FOXF2: variants seen among roughly 807,000 people sequenced by gnomAD.
FOXF2 encodes the protein forkhead box F2, also known as forkhead box protein F2.
In FOXF2, 15 loss-of-function variants were observed where a neutral mutation model predicts 29.1. The observed-to-expected ratio is 0.52, with a 90% CI of 0.35 to 0.79. FOXF2 has a LOEUF of 0.79. FOXF2 is among the 30% of genes least tolerant of loss of function. FOXF2 has a pLI of 0.01. For synonymous variants in FOXF2, 337 were observed against 316.5 expected (o/e 1.06, Z -0.69); for missense variants, 675 against 667.1 (o/e 1.01, Z -0.13).
At chr6:1,391,643 G>C (rs1758789515) in intron 1 of FOXF2, among the ~76,000 whole-genome samples, 6 of 152,154 alleles carry the variant, frequency 3.9e-5, no homozygotes, top group Admixed American at 3.9e-4. Context: ...GGGGTGGGAG[G>C]GACAGAGCTG....
rs1196219285 is a variant in FOXF2 at position 1,390,625 on chromosome 6, C to T, written c.678C>T (p.Asp226=). Residue 226 remains aspartate, a synonymous_variant, in exon 1 of 2, where the codon GAC becomes GAT. Transcript: ENST00000645481. This position sits in a 1 kb window ranked among gnomAD's most constrained non-coding sequence, Gnocchi z 8.5. ...CGTCGCTGCTGCCCCAGGGCTTCGACTTCCAGGCGCCCCCGTCGGCGCCGC... is the reference window on the plus strand; with the variant it reads ...CGTCGCTGCTGCCCCAGGGCTTCGATTTCCAGGCGCCCCCGTCGGCGCCGC... ...FGASLLPQGF[D]FQAPPSAPLG... is the part of the protein sequence containing the mutation. The T allele has an allele frequency of 1.1e-5, 18 of 1,585,556 alleles. No individual in the cohort carries two copies. The highest frequency in any genetic ancestry group is 3.4e-4 in the Middle Eastern group (2 of 5,932).
intron 1 of FOXF2, among the ~76,000 whole-genome samples, chr6:1,393,626 G>C (rs924061753): frequency 6.6e-6 from 1 of 152,120 alleles, no homozygotes; most frequent in Non-Finnish European, 1.5e-5. Flanking sequence ...GAGGCCACGA[G>C]AGCAGGGCCC....
chr6:1,390,211 C>G lies in FOXF2; in HGVS notation c.264C>G (p.Ala88=). ...GCGCGGGCGCCGGGAGCGGGGGCGC[C>G]AAGAAGGCGAGCTCGGGGCTGCGGC... ...GGGAGAGSGG[A]KKASSGLRRP... The change falls in exon 1 of 2, where the codon GCC becomes GCG. Residue 88 remains alanine, a synonymous_variant. Coordinates refer to ENST00000645481, the MANE Select transcript of FOXF2 (RefSeq NM_001452.2). This position sits in a 1 kb window ranked among gnomAD's most constrained non-coding sequence, Gnocchi z 8.5. 1 of 1,550,738 alleles carries G rather than the reference C, an allele frequency of 6.4e-7. No individual in the cohort carries two copies.
rs150644359 is a variant in FOXF2, at chr6:1,391,106, G to A, written c.1159G>A (p.Glu387Lys). The A allele has an allele frequency of 8.1e-6, 13 of 1,602,250 alleles. No homozygotes were observed. Among genetic ancestry groups the A allele is most frequent in the Non-Finnish European group, 1.0e-5 (12 of 1,179,818 alleles). The change falls in exon 1 of 2, where the codon GAG becomes AAG. Residue 387 changes from glutamate (E) to lysine (K), a missense_variant. Physicochemically the swap from Glu to Lys is moderately conservative, Grantham distance 56 (BLOSUM62 1). This residue lies in a region of FOXF2 where 451 missense variants were observed against 437.2 expected (regional missense o/e 1.03). Transcript: ENST00000645481. ...EQSYLHQNAR[E>K]DLSVGLPRYQ... Reference sequence around the variant, plus strand: ...GAGCTACTTGCACCAGAACGCTCGCGAGGACCTCTCAGGTAACGCAGCACG... The same window carrying A: ...GAGCTACTTGCACCAGAACGCTCGCAAGGACCTCTCAGGTAACGCAGCACG...
intron 1 of FOXF2, among the ~76,000 whole-genome samples, chr6:1,392,797 C>T (rs1209154420): frequency 2.6e-5 from 4 of 152,248 alleles, no homozygotes; most frequent in Admixed American, 6.5e-5. Flanking sequence ...GCAAGCCGGC[C>T]TCTGTGCCCC....
chr6:1,392,434 T>TCTCACACACACACACACACA (rs1554124328), intron 1 of FOXF2, among the ~76,000 whole-genome samples: 12 of 107,676 alleles, frequency 1.1e-4, no homozygotes, highest in African/African-American at 3.4e-4. Flanking sequence ...CGGCTGTCAA[T>TCTCACACACACACACACACA]CACACACACA....
At position 1,390,549 on chromosome 6, in the gene FOXF2, A is replaced by T. The variant is rs1319068605; in HGVS notation, c.602A>T (p.Gln201Leu). The stretch of plus-strand genomic sequence containing the variant: ...CCGCGCGGCTTCAGGCGGAAGTGCC[A>T]GGCGCTCAAGCCCATGTACCACCGC... Reference protein sequence around the residue: ...RRPRGFRRKCQALKPMYHRVV... With the variant: ...RRPRGFRRKCLALKPMYHRVV... The change falls in exon 1 of 2, where the codon CAG becomes CTG. Residue 201 changes from glutamine to leucine, a missense_variant. Physicochemically the swap from Gln to Leu is moderately radical, Grantham distance 113 (BLOSUM62 -2). Transcript: ENST00000645481. The surrounding 1 kb of genome is among the most constrained non-coding windows in gnomAD (Gnocchi z 8.5). 6.2e-7 allele frequency: 1 copy of T among 1,607,360 alleles called. No homozygotes were observed. Among genetic ancestry groups the T allele is most frequent in the East Asian group, 2.2e-5 (1 of 44,770 alleles).
rs886525649 is a variant in FOXF2 at position 1,390,645 on chromosome 6, C to A, written c.698C>A (p.Ala233Glu). 7.0e-6 allele frequency: 11 copies of A among 1,572,738 alleles called. No homozygotes were observed. The Middle Eastern group carries it at 1.0e-3, about 148-fold the overall frequency. ...QGFDFQAPPS[A>E]PLGCHSQGGY... ...TTCGACTTCCAGGCGCCCCCGTCGG[C>A]GCCGCTCGGCTGCCACAGCCAGGGC... The change falls in exon 1 of 2, where the codon GCG becomes GAG. Residue 233 changes from alanine (A) to glutamate (E), a missense_variant. Ala to Glu is a moderately radical substitution (Grantham distance 107). Around this residue, in one of 3 missense-constraint regions of FOXF2, gnomAD observed 451 missense variants for 437.2 expected, o/e 1.03. Transcript: ENST00000645481. The surrounding 1 kb of genome is among the most constrained non-coding windows in gnomAD (Gnocchi z 8.5).
At position 1,395,016 on chromosome 6, in the gene FOXF2, T is replaced by C. The variant is rs1758876049; in HGVS notation, c.*157T>C. The C allele has an allele frequency of 1.4e-6, 1 of 733,378 alleles. No individual in the cohort carries two copies. The highest frequency in any genetic ancestry group is 2.3e-6 in the Non-Finnish European group (1 of 436,948). 45.4% of individuals were successfully genotyped at this position (733,378 alleles called of 1,614,324 possible). A position where few individuals can be genotyped will look rare whatever the true frequency, so the allele number is the denominator to read the frequency against. On this transcript the variant is annotated 3_prime_UTR_variant, in exon 2 of 2. Transcript: ENST00000645481. Reference sequence around the variant, plus strand: ...CCCAGGATCGCGTTGGTCACTGTTATTTGCCTACTGCTGGAAGAAGGACAA... The same window carrying C: ...CCCAGGATCGCGTTGGTCACTGTTACTTGCCTACTGCTGGAAGAAGGACAA...
rs747187038 is a variant in FOXF2 at position 1,390,564 on chromosome 6, T to G, written c.617T>G (p.Met206Arg). Reference protein sequence around the residue: ...FRRKCQALKPMYHRVVSGLGF... With the variant: ...FRRKCQALKPRYHRVVSGLGF... Reference sequence around the variant, plus strand: ...CGGAAGTGCCAGGCGCTCAAGCCCATGTACCACCGCGTGGTGAGCGGCTTG... The same window carrying G: ...CGGAAGTGCCAGGCGCTCAAGCCCAGGTACCACCGCGTGGTGAGCGGCTTG... Residue 206 changes from methionine (M) to arginine (R), a missense_variant, in exon 1 of 2, where the codon ATG becomes AGG. Around this residue, in one of 3 missense-constraint regions of FOXF2, gnomAD observed 451 missense variants for 437.2 expected, o/e 1.03. Transcript: ENST00000645481. The surrounding 1 kb of genome is among the most constrained non-coding windows in gnomAD (Gnocchi z 8.5). The G allele has an allele frequency of 6.2e-7, 1 of 1,604,010 alleles. No homozygotes were observed. The highest frequency in any genetic ancestry group is 1.1e-5 in the South Asian group (1 of 90,870).
chr6:1,390,599 G>C lies in FOXF2; in HGVS notation c.652G>C (p.Ala218Pro), dbSNP rs762858189. The C allele has an allele frequency of 6.3e-6, 10 of 1,596,102 alleles. No individual in the cohort carries two copies. The African/African-American group carries it at 1.2e-4, about 19-fold the overall frequency. Residue 218 changes from alanine to proline, a missense_variant, in exon 1 of 2, where the codon GCG becomes CCG. Ala to Pro is a conservative substitution (Grantham distance 27). This residue lies in a region of FOXF2 where 451 missense variants were observed against 437.2 expected (regional missense o/e 1.03). Transcript: ENST00000645481. The surrounding 1 kb of genome is among the most constrained non-coding windows in gnomAD (Gnocchi z 8.5). ...HRVVSGLGFG[A>P]SLLPQGFDFQ... ...CGTGGTGAGCGGCTTGGGCTTCGGG[G>C]CGTCGCTGCTGCCCCAGGGCTTCGA...
At chr6:1,393,475 C>G (rs1047505202) in intron 1 of FOXF2, among the ~76,000 whole-genome samples, 29 of 152,148 alleles carry the variant, frequency 1.9e-4, no homozygotes, top group Non-Finnish European at 3.4e-4. Flanking sequence ...CAGAGCGCCG[C>G]GCACACATCG....
At position 1,390,342 on chromosome 6, in the gene FOXF2, C is replaced by A. The variant is rs757938718; in HGVS notation, c.395C>A (p.Ala132Glu). The change falls in exon 1 of 2, where the codon GCG (alanine) becomes GAG (glutamate). Residue 132 changes from alanine to glutamate, a missense_variant. Around this residue, in one of 3 missense-constraint regions of FOXF2, gnomAD observed 220 missense variants for 205.5 expected, o/e 1.07. Transcript: ENST00000645481. The surrounding 1 kb of genome is among the most constrained non-coding windows in gnomAD (Gnocchi z 8.5). Reference sequence around the variant, plus strand: ...AGCGAGATCTACCAGTTCCTGCAGGCGCGCTTCCCCTTCTTCCGCGGCGCC... The same window carrying A: ...AGCGAGATCTACCAGTTCCTGCAGGAGCGCTTCCCCTTCTTCCGCGGCGCC... ...TLSEIYQFLQ[A>E]RFPFFRGAYQ... 3 of 1,613,240 alleles carry A rather than the reference C, an allele frequency of 1.9e-6. No individual in the cohort carries two copies. Among genetic ancestry groups the A allele is most frequent in the Non-Finnish European group, 2.5e-6 (3 of 1,179,950 alleles).
At position 1,390,670 on chromosome 6, in the gene FOXF2, C is replaced by T. The variant is rs1255228385; in HGVS notation, c.723C>T (p.Gly241=). 4.5e-6 allele frequency: 7 copies of T among 1,539,108 alleles called. No homozygotes were observed. The East Asian group carries it at 1.3e-4, about 28-fold the overall frequency. The change falls in exon 1 of 2, where the codon GGC becomes GGT. Residue 241 remains glycine, a synonymous_variant. Transcript: ENST00000645481. The surrounding 1 kb of genome is among the most constrained non-coding windows in gnomAD (Gnocchi z 8.5). ...CGCCGCTCGGCTGCCACAGCCAGGG[C>T]GGCTACGGCGGCCTCGACATGATGC... ...PSAPLGCHSQ[G]GYGGLDMMPA...
At chr6:1,392,472 A>ACACACC (rs1419371700) in intron 1 of FOXF2, among the ~76,000 whole-genome samples, 3 of 150,182 alleles carry the variant, frequency 2.0e-5, no homozygotes, top group African/African-American at 4.9e-5. Flanking sequence ...ACACACACAC[A>ACACACC]CACACCCCTC....
intron 1 of FOXF2, among the ~76,000 whole-genome samples, chr6:1,394,048 C>G (rs1400126170): frequency 6.6e-6 from 1 of 152,244 alleles, no homozygotes; most frequent in Non-Finnish European, 1.5e-5. Context: ...CCCTGAAGTC[C>G]CGGCTTCTCT....
Position 1,389,908 on chromosome 6 carries a change from GGGCCCGCCCTCGC to G in FOXF2, c.-33_-21del, listed in dbSNP as rs2113366794. ...CTCCGGCGCCTCCGCTTCCCGCCCG[GGGCCCGCCCTCGC>G]GGCCCGGCCTCGCTCCCGGGTCCCA... On this transcript the variant is annotated 5_prime_UTR_variant, in exon 1 of 2. Transcript: ENST00000645481. The G allele has an allele frequency of 1.2e-6, 1 of 807,290 alleles. No individual in the cohort carries two copies. Among genetic ancestry groups the G allele is most frequent in the Non-Finnish European group, 1.5e-6 (1 of 668,668 alleles). 50.0% of individuals were successfully genotyped at this position (807,290 alleles called of 1,614,324 possible).
Position 1,390,936 on chromosome 6 carries a change from A to G in FOXF2, c.989A>G (p.His330Arg). 1 of 1,581,550 alleles carries G rather than the reference A, an allele frequency of 6.3e-7. No individual in the cohort carries two copies. The highest frequency in any genetic ancestry group is 1.7e-4 in the Middle Eastern group (1 of 5,980). Residue 330 changes from histidine to arginine, a missense_variant, in exon 1 of 2, where the codon CAC becomes CGC. By Grantham distance (29) the His-to-Arg change is conservative. This residue lies in a region of FOXF2 where 451 missense variants were observed against 437.2 expected (regional missense o/e 1.03). Transcript: ENST00000645481. This position sits in a 1 kb window ranked among gnomAD's most constrained non-coding sequence, Gnocchi z 8.5. ...GCCATGGCGAGCGCCATCGAATGCC[A>G]CTCGCCCTACACGAGCCCTGCGGCG... ...SPAMASAIEC[H>R]SPYTSPAAHW... is the part of the protein sequence containing the mutation.
chr6:1,394,948 C>A lies in FOXF2; in HGVS notation c.*89C>A. On this transcript the variant is annotated 3_prime_UTR_variant, in exon 2 of 2. Coordinates refer to ENST00000645481, the MANE Select transcript of FOXF2 (RefSeq NM_001452.2). ...CTGGGACGGATTCAAGTCACATGCA[C>A]GCGGATAGCAGTAAGCCACACACCT... 3 of 1,354,974 alleles carry A rather than the reference C, an allele frequency of 2.2e-6. No homozygotes were observed. The highest frequency in any genetic ancestry group is 3.2e-6 in the Non-Finnish European group (3 of 951,308). 83.9% of individuals were successfully genotyped at this position (1,354,974 alleles called of 1,614,324 possible).
Sources: allele counts gnomAD v4.1 joint callset (sites outside exome capture counted in the v4.1 genomes callset), GRCh38; gene constraint gnomAD v4.1.1; regional missense constraint gnomAD v4.1.1; non-coding constraint Gnocchi (gnomAD v3.1); transcripts MANE v1.5; gene names NCBI Gene and HGNC (gene_info 2026-07-23, HGNC 2026-07-21).